Variants in ADAMTSL1 observed in about 807,000 individuals in gnomAD.
The protein encoded by ADAMTSL1 is ADAMTS-like protein 1.
ADAMTSL1 carries 126 observed loss-of-function variants against 201.8 expected under a neutral mutation model. The observed-to-expected ratio is 0.62, with a 90% confidence interval of 0.54 to 0.72. The LOEUF is 0.72. ADAMTSL1 is among the 30% of genes least tolerant of loss of function. ADAMTSL1 has a pLI of 0.00. For synonymous variants in ADAMTSL1, 1,121 were observed against 903.4 expected (o/e 1.24, Z -4.32); for missense variants, 2,679 against 2,277.8 (o/e 1.18, Z -3.59).
intron 2 of ADAMTSL1, among the ~76,000 whole-genome samples, chr9:18,404,550 A>G (rs147017930): frequency 1.2e-4 from 18 of 152,300 alleles, no homozygotes; most frequent in South Asian, 4.1e-4. Context: ...GAATGGCCCA[A>G]TGATGAATTC....
chr9:18,388,234 T>A (rs1837885472), intron 2 of ADAMTSL1, among the ~76,000 whole-genome samples: 2 of 152,026 alleles, frequency 1.3e-5, no homozygotes, highest in African/African-American at 4.8e-5. Flanking sequence ...TACTTCTTAT[T>A]AATGATTTAT....
intron 1 of ADAMTSL1, among the ~76,000 whole-genome samples, chr9:17,980,192 T>C (rs1818630780): frequency 6.6e-6 from 1 of 152,184 alleles, no homozygotes; most frequent in Non-Finnish European, 1.5e-5. Flanking sequence ...CCAGATGCTA[T>C]AATTTCTCAC....
In ADAMTSL1 at chr9:18,777,174, C is replaced by T. The variant is rs765800998; in HGVS notation, c.2945C>T (p.Ala982Val). The T allele has an allele frequency of 6.2e-7, 1 of 1,612,832 alleles. No homozygotes were observed. Among genetic ancestry groups the T allele is most frequent in the Non-Finnish European group, 8.5e-7 (1 of 1,179,778 alleles). Reference protein sequence around the residue: ...LSPRSEEEVLAGRKGGPKEAL... With the variant: ...LSPRSEEEVLVGRKGGPKEAL... ...CCGAGAAGTGAGGAAGAGGTGCTTG[C>T]GGGGAGGAAGGGCGGCCCGAAGGAG... is the stretch of plus-strand genomic sequence containing the variant. Residue 982 changes from alanine (A) to valine (V), a missense_variant, in exon 19 of 29, where the codon GCG (alanine) becomes GTG (valine). By Grantham distance (64) the Ala-to-Val change is moderately conservative (BLOSUM62 0). Coordinates refer to ENST00000380548, the MANE Select transcript of ADAMTSL1 (RefSeq NM_001040272.6).
chr9:18,650,473 G>A (rs142686283), intron 7 of ADAMTSL1, among the ~76,000 whole-genome samples: 2,848 of 152,150 alleles, frequency 0.019, 45 homozygotes, highest in Non-Finnish European at 0.029. Flanking sequence ...GAAATCACCC[G>A]TCTTCTGCGT....
intron 1 of ADAMTSL1, among the ~76,000 whole-genome samples, chr9:17,971,777 C>G (rs1394398067): frequency 1.3e-5 from 2 of 151,840 alleles, no homozygotes; most frequent in African/African-American, 4.8e-5. Context: ...TTTTTAACTT[C>G]TTAAATGTGA....
chr9:18,612,737 CTT>C (rs1825460132), intron 4 of ADAMTSL1, among the ~76,000 whole-genome samples: 1 of 152,156 alleles, frequency 6.6e-6, no homozygotes, highest in South Asian at 2.1e-4. Flanking sequence ...GGATTAAAGA[CTT>C]AAGTGTAAAA....
chr9:18,644,116 G>A (rs1272997383), intron 7 of ADAMTSL1, among the ~76,000 whole-genome samples: 1 of 151,538 alleles, frequency 6.6e-6, no homozygotes. Context: ...CCTAAATATT[G>A]GGGGTTTTTG....
chr9:17,930,654 A>T (rs1400252554), intron 1 of ADAMTSL1, among the ~76,000 whole-genome samples: 2 of 152,284 alleles, frequency 1.3e-5, no homozygotes, highest in East Asian at 1.9e-4. Context: ...ACCCTAAAGA[A>T]TTCCAAGACC....
rs143317488 is a variant in ADAMTSL1 at position 18,011,915 on chromosome 9, G to C, written c.87+104993G>C. The stretch of plus-strand genomic sequence containing the variant: ...AGGGCAGCAATCGAAGAGAGTTGCC[G>C]GTATGGAGCTTTGGCAGAGTGTTCC... On this transcript the variant is annotated intron_variant, in intron 1 of 29. Transcript: ENST00000680146. 2.5e-3 allele frequency among the ~76,000 whole-genome samples: 383 copies of C among 152,108 alleles called. 2 individuals carry two copies. Among genetic ancestry groups the C allele is most frequent in the African/African-American group, 8.4e-3 (350 of 41,540 alleles).
intron 2 of ADAMTSL1, among the ~76,000 whole-genome samples, chr9:18,188,891 A>C (rs1232342568): frequency 1.3e-5 from 2 of 152,158 alleles, no homozygotes; most frequent in African/African-American, 2.4e-5. Context: ...ATTCGCTACA[A>C]GAGTGTGAAG....
intron 1 of ADAMTSL1, among the ~76,000 whole-genome samples, chr9:18,061,587 G>A (rs1822457778): frequency 6.6e-6 from 1 of 152,182 alleles, no homozygotes; most frequent in South Asian, 2.1e-4. Context: ...ACAGCTGTAT[G>A]TGAAAAAGTC....
At chr9:18,138,980 A>G (rs561277428) in intron 1 of ADAMTSL1, among the ~76,000 whole-genome samples, 1 of 152,212 alleles carries the variant, frequency 6.6e-6, no homozygotes, top group Non-Finnish European at 1.5e-5. Flanking sequence ...GGAGACGTGG[A>G]TTTTACTTGT....
chr9:17,927,153 G>A (rs1826573055), intron 1 of ADAMTSL1, among the ~76,000 whole-genome samples: 1 of 152,172 alleles, frequency 6.6e-6, no homozygotes, highest in South Asian at 2.1e-4. Context: ...GAATCACACA[G>A]TATTTGGTTT....
chr9:17,919,972 C>T (rs1221927459), intron 1 of ADAMTSL1, among the ~76,000 whole-genome samples: 1 of 152,128 alleles, frequency 6.6e-6, no homozygotes, highest in African/African-American at 2.4e-5. Flanking sequence ...TCCACATCCT[C>T]ACTATCACTT....
At chr9:18,666,134 G>C (rs1442796508) in intron 9 of ADAMTSL1, among the ~76,000 whole-genome samples, 1 of 152,144 alleles carries the variant, frequency 6.6e-6, no homozygotes, top group Non-Finnish European at 1.5e-5. Context: ...AAGTTCACTG[G>C]ACTATAAGAC....
chr9:18,906,558 G>C, intron 27 of ADAMTSL1, 134 bp from the exon 28 acceptor site: 1 of 714,114 alleles, frequency 1.4e-6, no homozygotes, highest in Admixed American at 3.0e-5. Flanking sequence ...ACAGAAATCA[G>C]AATCCAGGTC....
intron 1 of ADAMTSL1, among the ~76,000 whole-genome samples, chr9:17,980,029 A>G (rs1419008183): frequency 3.3e-5 from 5 of 152,152 alleles, no homozygotes; most frequent in African/African-American, 1.2e-4. Flanking sequence ...GGTCACTGGT[A>G]AAGTTTTGTG....
At chr9:17,941,056 A>G (rs1441470190) in intron 1 of ADAMTSL1, among the ~76,000 whole-genome samples, 2 of 151,942 alleles carry the variant, frequency 1.3e-5, no homozygotes, top group East Asian at 1.9e-4. Context: ...TTTTTATTTT[A>G]GGCCTTAACT....
At chr9:18,888,119 C>A (rs577272825) in intron 24 of ADAMTSL1, 76 bp downstream of exon 24, 48 of 1,451,640 alleles carry the variant, frequency 3.3e-5, no homozygotes, top group Non-Finnish European at 4.5e-5. Flanking sequence ...TCTAGCAGAA[C>A]AAAGAGATTT....
Sources: gnomAD v4.1 joint callset for allele counts (sites outside exome capture counted in the v4.1 genomes callset) on GRCh38, gnomAD v4.1.1 for gene constraint, MANE v1.5 for transcripts, NCBI Gene and HGNC (gene_info 2026-07-23, HGNC 2026-07-21) for gene names.